The following NCALD variants were observed in gnomAD, a reference collection of about 807,000 sequenced individuals.
The protein encoded by NCALD is neurocalcin delta, also known as neurocalcin-delta.
Under a neutral mutation model 18.6 loss-of-function variants are expected in NCALD, and 10 were observed. That is an observed-to-expected ratio of 0.54 (90% CI 0.33 to 0.91). The LOEUF (loss-of-function observed/expected upper bound fraction) is 0.91. Ranked by LOEUF, NCALD falls within the 40% of genes least tolerant of loss-of-function variation. NCALD has a pLI of 0.03. For missense variants in NCALD, 184 were observed against 247.6 expected, an observed-to-expected ratio of 0.74 and a Z score of 1.72; for synonymous variants, 88 against 87.4, an observed-to-expected ratio of 1.01 and a Z score of -0.04.
At chr8:101,836,169 G>A (rs554747613) in intron 4 of NCALD, among the ~76,000 whole-genome samples, 1 of 152,266 alleles carries the variant, frequency 6.6e-6, no homozygotes, top group Admixed American at 6.5e-5. Flanking sequence ...GATAAAGACA[G>A]ACAGTGGATT....
intron 4 of NCALD, among the ~76,000 whole-genome samples, chr8:101,805,263 C>T (rs931313957): frequency 6.6e-6 from 1 of 152,194 alleles, no homozygotes; most frequent in Non-Finnish European, 1.5e-5. Context: ...AAAAGCTCCT[C>T]CCTTGAGAAG....
chr8:101,767,136 C>T (rs78694985), intron 1 of NCALD, among the ~76,000 whole-genome samples: 4,096 of 152,240 alleles, frequency 0.027, 193 homozygotes, highest in African/African-American at 0.094. Context: ...CCACCACTTA[C>T]AATCTCTGTA....
intron 2 of NCALD, among the ~76,000 whole-genome samples, chr8:102,014,359 C>T (rs1202542781): frequency 6.6e-6 from 1 of 152,144 alleles, no homozygotes; most frequent in African/African-American, 2.4e-5. Context: ...GAATTCCATT[C>T]ATGAGGGCCC....
chr8:102,028,395 C>T (rs921317434), intron 1 of NCALD, among the ~76,000 whole-genome samples: 2 of 152,288 alleles, frequency 1.3e-5, no homozygotes, highest in Non-Finnish European at 2.9e-5. Flanking sequence ...ATAAAGCAAG[C>T]CTCTTTCACA....
intron 3 of NCALD, among the ~76,000 whole-genome samples, chr8:101,891,404 TC>T (rs1412141830): frequency 6.6e-6 from 1 of 152,254 alleles, no homozygotes; most frequent in Admixed American, 6.5e-5. Context: ...CAGCATAATG[TC>T]CTTTAAATTC....
At chr8:101,858,525 C>T (rs904793522) in intron 4 of NCALD, among the ~76,000 whole-genome samples, 20 of 152,078 alleles carry the variant, frequency 1.3e-4, no homozygotes, top group South Asian at 2.1e-4. Flanking sequence ...AAGACTGAAC[C>T]GGAGATGTTC....
intron 2 of NCALD, among the ~76,000 whole-genome samples, chr8:101,956,613 C>G (rs929095721): frequency 8.6e-5 from 13 of 151,794 alleles, no homozygotes; most frequent in African/African-American, 3.1e-4. Context: ...GAGAGAGAGA[C>G]AGACACAGAG....
intron 2 of NCALD, among the ~76,000 whole-genome samples, chr8:101,695,018 A>T (rs1195165857): frequency 6.6e-6 from 1 of 152,092 alleles, no homozygotes; most frequent in Non-Finnish European, 1.5e-5. Flanking sequence ...GTAACTCTTG[A>T]CATAGTCAAA....
At chr8:101,779,515 T>A (rs1042546244) in intron 1 of NCALD, among the ~76,000 whole-genome samples, 1 of 152,342 alleles carries the variant, frequency 6.6e-6, no homozygotes, top group East Asian at 1.9e-4. Flanking sequence ...AAATGTAGTA[T>A]GTGTTTAAAC....
At chr8:101,935,753 TTAAGC>T (rs1818737811) in intron 2 of NCALD, among the ~76,000 whole-genome samples, 1 of 151,464 alleles carries the variant, frequency 6.6e-6, no homozygotes, top group Admixed American at 6.6e-5. Flanking sequence ...AATAAGGAAA[TTAAGC>T]TATAGCTTAG....
intron 2 of NCALD, among the ~76,000 whole-genome samples, chr8:102,003,351 A>G (rs898712503): frequency 6.6e-6 from 1 of 152,262 alleles, no homozygotes; most frequent in African/African-American, 2.4e-5. Flanking sequence ...ATCTCTGAAT[A>G]GTCCAATAAC....
intron 1 of NCALD, among the ~76,000 whole-genome samples, chr8:102,110,842 C>A (rs1825618048): frequency 6.6e-6 from 1 of 151,816 alleles, no homozygotes; most frequent in Non-Finnish European, 1.5e-5. Flanking sequence ...GACCAAATGA[C>A]CAAAAATAGA....
intron 1 of NCALD, among the ~76,000 whole-genome samples, chr8:101,782,746 T>C (rs535393965): frequency 6.6e-6 from 1 of 152,258 alleles, no homozygotes; most frequent in South Asian, 2.1e-4. Flanking sequence ...GCTCACTTCC[T>C]CTCCAAAGTC....
chr8:101,942,485 T>C (rs1005860660), intron 2 of NCALD, among the ~76,000 whole-genome samples: 5 of 152,182 alleles, frequency 3.3e-5, no homozygotes, highest in Non-Finnish European at 7.3e-5. Context: ...ATCAATATAC[T>C]AGGAGAACAC....
intron 4 of NCALD, among the ~76,000 whole-genome samples, chr8:101,850,386 AATG>A (rs1563825780): frequency 6.6e-6 from 1 of 152,306 alleles, no homozygotes; most frequent in East Asian, 1.9e-4. Context: ...TCTGTAAGTA[AATG>A]ATGAGAGAAA....
intron 2 of NCALD, among the ~76,000 whole-genome samples, chr8:101,946,532 C>T (rs906037877): frequency 7.9e-5 from 12 of 151,978 alleles, no homozygotes; most frequent in South Asian, 4.1e-4. Flanking sequence ...CATGTCAGAA[C>T]GGTATCTAGT....
At chr8:101,883,702 G>A (rs556409157) in intron 4 of NCALD, among the ~76,000 whole-genome samples, 1 of 152,226 alleles carries the variant, frequency 6.6e-6, no homozygotes, top group South Asian at 2.1e-4. Flanking sequence ...ACACTTACAT[G>A]CAATACAATT....
chr8:102,046,570 G>A (rs1024579567), intron 1 of NCALD, among the ~76,000 whole-genome samples: 4 of 152,056 alleles, frequency 2.6e-5, no homozygotes, highest in Non-Finnish European at 5.9e-5. Context: ...AGTGGTGAGA[G>A]CTAGGCTTGC....
intron 2 of NCALD, among the ~76,000 whole-genome samples, chr8:101,703,560 C>T (rs183764616): frequency 7.2e-5 from 11 of 152,238 alleles, no homozygotes; most frequent in East Asian, 1.9e-4. Context: ...GTTTACCAGA[C>T]GCTGGGAATT....
Sources: gnomAD v4.1 joint callset for allele counts (sites outside exome capture counted in the v4.1 genomes callset) on GRCh38, gnomAD v4.1.1 for gene constraint, MANE v1.5 for transcripts, NCBI Gene and HGNC (gene_info 2026-07-23, HGNC 2026-07-21) for gene names.